The following DIP2C variants were observed in gnomAD, a reference collection of about 807,000 sequenced individuals.
The protein encoded by DIP2C is DIP2 acetate--CoA ligase C (putative).
DIP2C carries 33 observed loss-of-function variants against 192.4 expected under a neutral mutation model. The ratio of observed to expected loss-of-function variants is 0.17; its 90% CI spans 0.13 to 0.23. The LOEUF is 0.23. Among genes scored for constraint, DIP2C ranks in the 10% least tolerant of loss-of-function variants. The pLI, the probability that DIP2C is intolerant of heterozygous loss-of-function variation, is 1.00. For synonymous variants in DIP2C, 979 were observed against 864.1 expected, an observed-to-expected ratio of 1.13 and a Z score of -2.33; for missense variants, 1,537 against 2,110.1, an observed-to-expected ratio of 0.73 and a Z score of 5.32.
At chr10:435,370 G>A (rs1164115021) in intron 4 of DIP2C, among the ~76,000 whole-genome samples, 1 of 152,102 alleles carries the variant, frequency 6.6e-6, no homozygotes, top group Non-Finnish European at 1.5e-5. Flanking sequence ...AAGTATGAGG[G>A]GATTCTTCCC....
At chr10:284,669 GTGCGGTGAC>G (rs1374443454) in intron 34 of DIP2C, among the ~76,000 whole-genome samples, 1 of 152,204 alleles carries the variant, frequency 6.6e-6, no homozygotes, top group Non-Finnish European at 1.5e-5. Flanking sequence ...AGAAAATGTA[GTGCGGTGAC>G]TACAGTTAAT....
intron 1 of DIP2C, among the ~76,000 whole-genome samples, chr10:580,404 C>A (rs564577418): frequency 2.6e-5 from 4 of 151,978 alleles, no homozygotes; most frequent in Non-Finnish European, 5.9e-5. Context: ...GTGCAAATAC[C>A]CATATGGTGT....
chr10:650,757 G>C, intron 1 of DIP2C: 1 of 656,868 alleles, frequency 1.5e-6, no homozygotes, highest in Non-Finnish European at 2.8e-6. Flanking sequence ...CCCTGCATAA[G>C]TTTAAGTTGT....
intron 17 of DIP2C, among the ~76,000 whole-genome samples, chr10:372,318 G>T (rs1239101938): frequency 6.6e-6 from 1 of 152,174 alleles, no homozygotes. Context: ...CGAGTGATCT[G>T]CCCTCCTCGG....
At chr10:422,105 G>A (rs990813279) in intron 5 of DIP2C, among the ~76,000 whole-genome samples, 1 of 152,144 alleles carries the variant, frequency 6.6e-6, no homozygotes, top group African/African-American at 2.4e-5. Context: ...CCCGTGGCTC[G>A]AGCTCCGTTA....
intron 1 of DIP2C, among the ~76,000 whole-genome samples, chr10:632,365 A>G (rs1854570468): frequency 6.6e-6 from 1 of 151,598 alleles, no homozygotes; most frequent in Non-Finnish European, 1.5e-5. Context: ...CCAGCACCGT[A>G]ACTGGAGACC....
At chr10:438,160 T>G (rs1413171942) in intron 4 of DIP2C, among the ~76,000 whole-genome samples, 2 of 152,358 alleles carry the variant, frequency 1.3e-5, no homozygotes, top group East Asian at 1.9e-4. Context: ...AATATTCTTT[T>G]GCATTTTGCA....
intron 1 of DIP2C, among the ~76,000 whole-genome samples, chr10:549,422 C>T (rs1008182631): frequency 6.6e-6 from 1 of 152,130 alleles, no homozygotes; most frequent in African/African-American, 2.4e-5. Flanking sequence ...CGGACTCGGG[C>T]CCATCCACAA....
chr10:364,562 G>A lies in DIP2C; in HGVS notation c.2289C>T (p.Ser763=), dbSNP rs150865634. 2,121 of 1,613,958 alleles carry A rather than the reference G, an allele frequency of 1.3e-3. 34 individuals carry two copies. The Admixed American group carries it at 0.029, about 22-fold the overall frequency. ...ATGGGTATTCACTGATCGGAGCCCC[G>A]GAGCTTGTCATGGGAAACACCTGGG... ...NTFEVFPMTS[S]GAPISEYPFI... The change falls in exon 20 of 37, where the codon TCC becomes TCT. Residue 763 remains serine, a synonymous_variant. Transcript: ENST00000280886.
chr10:452,667 G>A (rs1204890185), intron 3 of DIP2C, among the ~76,000 whole-genome samples: 1 of 152,216 alleles, frequency 6.6e-6, no homozygotes, highest in Non-Finnish European at 1.5e-5. Flanking sequence ...TGGCCCCCTG[G>A]TTCCTCTCGC....
At chr10:453,325 C>T (rs1053574918) in intron 3 of DIP2C, among the ~76,000 whole-genome samples, 2 of 151,568 alleles carry the variant, frequency 1.3e-5, no homozygotes, top group African/African-American at 4.9e-5. Context: ...AGAAATCTCT[C>T]GGGTGAAGGT....
At chr10:685,161 AATATATATATATATATATATATATAC>A (rs750323593) in intron 1 of DIP2C, among the ~76,000 whole-genome samples, 384 of 31,776 alleles carry the variant, frequency 0.012, 5 homozygotes, top group African/African-American at 0.025. Flanking sequence ...AAAAAAAAAA[AATATATATATATATATATATATATAC>A]ATATATATAT....
chr10:583,290 C>T (rs1042145633), intron 1 of DIP2C, among the ~76,000 whole-genome samples: 2 of 152,236 alleles, frequency 1.3e-5, no homozygotes, highest in Non-Finnish European at 2.9e-5. Flanking sequence ...GAACGGAGCA[C>T]CTCTCTTAGC....
At chr10:556,928 C>T (rs999641407) in intron 1 of DIP2C, among the ~76,000 whole-genome samples, 1 of 109,320 alleles carries the variant, frequency 9.1e-6, no homozygotes, top group African/African-American at 5.4e-5. Context: ...GCACTCTCTC[C>T]TCTCTCTCTC....
intron 32 of DIP2C, among the ~76,000 whole-genome samples, chr10:297,911 T>C (rs1156985682): frequency 6.6e-6 from 1 of 152,218 alleles, no homozygotes; most frequent in Non-Finnish European, 1.5e-5. Context: ...GTTGCACAAT[T>C]ATGTGTTAAT....
At chr10:420,514 C>T (rs1014418256) in intron 5 of DIP2C, among the ~76,000 whole-genome samples, 1 of 152,238 alleles carries the variant, frequency 6.6e-6, no homozygotes, top group Non-Finnish European at 1.5e-5. Flanking sequence ...CACACCCCCT[C>T]AAGTCCTCAG....
chr10:368,592 G>A (rs1166736408), intron 18 of DIP2C, among the ~76,000 whole-genome samples: 1 of 152,208 alleles, frequency 6.6e-6, no homozygotes, highest in East Asian at 1.9e-4. Context: ...ACAGCTTCTG[G>A]AGTGCCTGGC....
Position 349,473 on chromosome 10 carries a change from G to C in DIP2C, c.2986-19C>G, listed in dbSNP as rs1958686734. 3 of 1,590,736 alleles carry C rather than the reference G, an allele frequency of 1.9e-6. No homozygotes were observed. The highest frequency in any genetic ancestry group is 1.7e-6 in the Non-Finnish European group (2 of 1,166,820). The stretch of plus-strand genomic sequence containing the variant: ...TCGCACCCTGCGGGCCGATCACAGG[G>C]ACAAGCACATAAGATTCCTTCAGCA... On this transcript the variant is annotated intron_variant, in intron 24 of 36. Transcript: ENST00000280886.
chr10:356,543 G>A (rs578030400), intron 23 of DIP2C, 37 bp from the exon 24 acceptor site: 40 of 1,574,576 alleles, frequency 2.5e-5, no homozygotes, highest in Middle Eastern at 1.7e-4. Context: ...CAGGCTGTGC[G>A]GTTGGATCAG....
Sources: gnomAD v4.1 joint callset for allele counts (sites outside exome capture counted in the v4.1 genomes callset) on GRCh38, gnomAD v4.1.1 for gene constraint, MANE v1.5 for transcripts, NCBI Gene and HGNC (gene_info 2026-07-23, HGNC 2026-07-21) for gene names.